Variants in FAF1 observed in about 807,000 individuals in gnomAD.
FAF1 encodes the protein FAS-associated factor 1.
In FAF1, 25 loss-of-function variants were observed where a neutral mutation model predicts 92.5. That is an observed-to-expected ratio of 0.27 (90% CI 0.20 to 0.38). FAF1 has a LOEUF of 0.38. Among genes scored for constraint, FAF1 ranks in the 10% least tolerant of loss-of-function variants. The pLI is 1.00. For missense variants in FAF1, 636 were observed against 793.3 expected (o/e 0.80, Z 2.38); for synonymous variants, 234 against 273.2 (o/e 0.86, Z 1.42).
At chr1:50,662,102 A>C (rs932542838) in intron 7 of FAF1, among the ~76,000 whole-genome samples, 1 of 152,154 alleles carries the variant, frequency 6.6e-6, no homozygotes, top group Admixed American at 6.5e-5. Context: ...TCAATGCTCT[A>C]AGTGTTTAAC....
chr1:50,452,351 G>C (rs1467152512), intron 18 of FAF1, among the ~76,000 whole-genome samples: 1 of 152,194 alleles, frequency 6.6e-6, no homozygotes, highest in African/African-American at 2.4e-5. Flanking sequence ...AGCCCCAGCA[G>C]TGTGCCCAGC....
At chr1:50,792,584 A>T (rs1388959036) in intron 3 of FAF1, among the ~76,000 whole-genome samples, 2 of 152,224 alleles carry the variant, frequency 1.3e-5, no homozygotes, top group Non-Finnish European at 2.9e-5. Flanking sequence ...ATGCAGAAGA[A>T]ATATAGATGC....
chr1:50,561,125 G>A (rs1649880611), intron 13 of FAF1, among the ~76,000 whole-genome samples: 1 of 152,146 alleles, frequency 6.6e-6, no homozygotes, highest in South Asian at 2.1e-4. Flanking sequence ...TCCCAGAATG[G>A]CCCAATTTGG....
intron 1 of FAF1, among the ~76,000 whole-genome samples, chr1:50,945,386 A>G (rs1356555899): frequency 6.6e-6 from 1 of 152,362 alleles, no homozygotes; most frequent in South Asian, 2.1e-4. Flanking sequence ...TCAATCTGCC[A>G]GGAGCAAGCA....
At chr1:50,854,772 C>T (rs919549238) in intron 2 of FAF1, among the ~76,000 whole-genome samples, 2 of 151,796 alleles carry the variant, frequency 1.3e-5, no homozygotes, top group African/African-American at 4.8e-5. Context: ...TTTAGATCTA[C>T]AAAATAGCTA....
At chr1:50,447,582 T>C (rs1646244527) in intron 18 of FAF1, among the ~76,000 whole-genome samples, 1 of 152,216 alleles carries the variant, frequency 6.6e-6, no homozygotes, top group South Asian at 2.1e-4. Flanking sequence ...GATAGCACTG[T>C]GAGTTGAAGG....
intron 8 of FAF1, among the ~76,000 whole-genome samples, chr1:50,600,143 T>A (rs1652028735): frequency 6.6e-6 from 1 of 152,134 alleles, no homozygotes; most frequent in African/African-American, 2.4e-5. Flanking sequence ...ATGACAAAAT[T>A]TGAGTTTTCA....
At chr1:50,481,978 CAATT>C (rs1021248215) in intron 17 of FAF1, among the ~76,000 whole-genome samples, 1 of 151,988 alleles carries the variant, frequency 6.6e-6, no homozygotes, top group African/African-American at 2.4e-5. Flanking sequence ...TTGGGAAGGA[CAATT>C]AATAATTATT....
chr1:50,609,341 G>A (rs1166375117), intron 8 of FAF1, among the ~76,000 whole-genome samples: 2 of 152,050 alleles, frequency 1.3e-5, no homozygotes, highest in African/African-American at 2.4e-5. Flanking sequence ...ACCCAGGGTC[G>A]ATCACAGACC....
At position 50,898,142 on chromosome 1, in the gene FAF1, C is replaced by T. The variant is rs1224900728; in HGVS notation, c.46-40145G>A. 2.6e-5 allele frequency among the ~76,000 whole-genome samples: 4 copies of T among 152,290 alleles called. No individual in the cohort carries two copies. In the East Asian group the frequency reaches 7.7e-4, roughly 29 times the overall value. ...AGTGAAATACTATGTCTGGGGTTTGCATTTTAAAAATACTCCAGCCAGGCA... is the reference window on the plus strand; with the variant it reads ...AGTGAAATACTATGTCTGGGGTTTGTATTTTAAAAATACTCCAGCCAGGCA... On this transcript the variant is annotated intron_variant, in intron 1 of 18. Coordinates refer to ENST00000396153, the MANE Select transcript of FAF1 (RefSeq NM_007051.3).
At chr1:50,548,919 GA>G (rs1259387542) in intron 13 of FAF1, among the ~76,000 whole-genome samples, 1 of 152,164 alleles carries the variant, frequency 6.6e-6, no homozygotes, top group Non-Finnish European at 1.5e-5. Flanking sequence ...TCTATAAAAT[GA>G]AGATAATAAT....
chr1:50,901,084 TTATC>T (rs1644792827), intron 1 of FAF1, among the ~76,000 whole-genome samples: 1 of 152,190 alleles, frequency 6.6e-6, no homozygotes, highest in Admixed American at 6.5e-5. Flanking sequence ...TATTATATAT[TTATC>T]TACTTGTTTT....
chr1:50,729,034 C>CTATCTATCTATCTA (rs774816134), intron 6 of FAF1, among the ~76,000 whole-genome samples: 10 of 88,082 alleles, frequency 1.1e-4, no homozygotes, highest in African/African-American at 3.4e-4. Flanking sequence ...ATCTATCTAT[C>CTATCTATCTATCTA]TATATATATA....
intron 4 of FAF1, among the ~76,000 whole-genome samples, chr1:50,772,408 T>C (rs944280858): frequency 2.0e-5 from 3 of 152,162 alleles, no homozygotes; most frequent in African/African-American, 4.8e-5. Flanking sequence ...CATATGTTCA[T>C]TGCAACAGTA....
At chr1:50,576,180 G>T (rs1352875080) in intron 12 of FAF1, among the ~76,000 whole-genome samples, 1 of 152,044 alleles carries the variant, frequency 6.6e-6, no homozygotes, top group Non-Finnish European at 1.5e-5. Context: ...CACAGTGCTG[G>T]GTGCATTTAT....
chr1:50,912,858 T>A (rs953334104), intron 1 of FAF1, among the ~76,000 whole-genome samples: 18 of 151,994 alleles, frequency 1.2e-4, no homozygotes, highest in African/African-American at 4.3e-4. Context: ...AACTTAAATT[T>A]AAAAAAAAGA....
intron 1 of FAF1, among the ~76,000 whole-genome samples, chr1:50,906,554 T>C (rs1325792856): frequency 2.6e-5 from 4 of 152,208 alleles, no homozygotes; most frequent in Non-Finnish European, 2.9e-5. Flanking sequence ...TTTTAGTTCA[T>C]TGAGCAGTGG....
chr1:50,859,108 A>C lies in FAF1; in HGVS notation c.46-1111T>G, dbSNP rs112615680. Among the ~76,000 whole-genome samples the C allele has an allele frequency of 3.0e-3, 456 of 151,948 alleles. 4 individuals carry two copies. Among genetic ancestry groups the C allele is most frequent in the African/African-American group, 0.01 (430 of 41,518 alleles). On this transcript the variant is annotated intron_variant, in intron 1 of 18. Coordinates refer to ENST00000396153, the MANE Select transcript of FAF1 (RefSeq NM_007051.3). Reference sequence around the variant, plus strand: ...AAGGAAAACCCTCAAGAAAGTAGGCATCAAAGGAATATATCACAAAATAAT... The same window carrying C: ...AAGGAAAACCCTCAAGAAAGTAGGCCTCAAAGGAATATATCACAAAATAAT...
Position 50,671,017 on chromosome 1 carries a change from T to C in FAF1, c.658-15489A>G, listed in dbSNP as rs548153766. Reference sequence around the variant, plus strand: ...AAATTGAAGGGAGATAGAATATATATAGAATGTATGTAAATAATACCTTAT... The same window carrying C: ...AAATTGAAGGGAGATAGAATATATACAGAATGTATGTAAATAATACCTTAT... On this transcript the variant is annotated intron_variant, in intron 7 of 18. Coordinates refer to ENST00000396153, the MANE Select transcript of FAF1 (RefSeq NM_007051.3). Among the ~76,000 whole-genome samples, 36 of 152,152 alleles carry C rather than the reference T, an allele frequency of 2.4e-4. No individual in the cohort carries two copies. In the South Asian group the frequency reaches 6.9e-3, roughly 29 times the overall value.
Sources: allele counts gnomAD v4.1 joint callset (sites outside exome capture counted in the v4.1 genomes callset), GRCh38; gene constraint gnomAD v4.1.1; transcripts MANE v1.5; gene names NCBI Gene and HGNC (gene_info 2026-07-23, HGNC 2026-07-21).